Variants in EDN1 observed in about 807,000 individuals in gnomAD.
EDN1 encodes endothelin 1.
A neutral mutation model predicts 21.7 loss-of-function variants in EDN1; 11 were observed. The observed-to-expected ratio is 0.51, with a 90% CI of 0.32 to 0.84. The LOEUF is 0.84. Ranked by LOEUF, EDN1 falls within the 40% of genes least tolerant of loss-of-function variation. EDN1 has a pLI of 0.03. For synonymous variants in EDN1, 85 were observed against 90.6 expected (o/e 0.94, Z 0.35); for missense variants, 244 against 262.3 (o/e 0.93, Z 0.48).
chr6:12,258,589 C>A, the EDN1 span, among the ~76,000 whole-genome samples: 1 of 151,848 alleles, frequency 6.6e-6, no homozygotes, highest in African/African-American at 2.4e-5. Context: ...AGGTGAAAAT[C>A]CAAAGCGTGA....
intron 1 of EDN1, among the ~76,000 whole-genome samples, chr6:12,291,476 T>G (rs1015156713): frequency 2.0e-5 from 3 of 152,210 alleles, no homozygotes; most frequent in Non-Finnish European, 4.4e-5. Context: ...TTTTTGTCTT[T>G]TCGTGACCCT....
Position 12,296,542 on chromosome 6 carries a change from GA to G in EDN1, c.*485del, listed in dbSNP as rs970792658. The G allele has an allele frequency of 4.0e-4, 59 of 148,856 alleles. No individual in the cohort carries two copies. The highest frequency in any genetic ancestry group is 7.3e-4 in the African/African-American group (29 of 39,512). 9.2% of individuals were successfully genotyped at this position (148,856 alleles called of 1,614,324 possible). A position where few individuals can be genotyped will look rare whatever the true frequency, so the allele number is the denominator to read the frequency against. Reference sequence around the variant, plus strand: ...CTCAAAAGACAAACATGCAAGTAAAGAAAAAAAAAAGAAAGACTTTTGTTTA... The same window carrying G: ...CTCAAAAGACAAACATGCAAGTAAAGAAAAAAAAAGAAAGACTTTTGTTTA... On this transcript the variant is annotated 3_prime_UTR_variant, in exon 5 of 5. Transcript: ENST00000379375.
At chr6:12,232,714 A>G in the EDN1 span, among the ~76,000 whole-genome samples, 1 of 152,374 alleles carries the variant, frequency 6.6e-6, no homozygotes, top group South Asian at 2.1e-4. Flanking sequence ...CAAAGTATTA[A>G]TAGACTAAAG....
chr6:12,293,206 A>G lies in EDN1; in HGVS notation c.233+697A>G, dbSNP rs925471404. On this transcript the variant is annotated intron_variant, in intron 2 of 4. Coordinates refer to ENST00000379375, the MANE Select transcript of EDN1 (RefSeq NM_001955.5). ...ACAAGCACACATTTACTATGCATAC[A>G]ATGTACCGTTATGACAAAGGAGGAC... 3.3e-5 allele frequency among the ~76,000 whole-genome samples: 5 copies of G among 152,248 alleles called. No individual in the cohort carries two copies. In the East Asian group the frequency reaches 5.8e-4, roughly 18 times the overall value.
chr6:12,257,746 C>A, the EDN1 span, among the ~76,000 whole-genome samples: 1 of 152,094 alleles, frequency 6.6e-6, no homozygotes, highest in Admixed American at 6.5e-5. Context: ...TGAAGACAAA[C>A]TACACGGAGT....
At chr6:12,295,478 C>T (rs1386817632) in intron 4 of EDN1, among the ~76,000 whole-genome samples, 1 of 151,136 alleles carries the variant, frequency 6.6e-6, no homozygotes, top group African/African-American at 2.4e-5. Context: ...AAACATTAGG[C>T]CTGCAAAAAA....
the EDN1 span, among the ~76,000 whole-genome samples, chr6:12,247,433 G>T: frequency 6.6e-6 from 1 of 151,430 alleles, no homozygotes; most frequent in East Asian, 1.9e-4. Flanking sequence ...TTCTAGACCA[G>T]ATCAAACAAG....
the EDN1 span, among the ~76,000 whole-genome samples, chr6:12,233,467 A>G: frequency 6.6e-6 from 1 of 152,232 alleles, no homozygotes; most frequent in Middle Eastern, 3.2e-3. Context: ...ATGTCCAGGT[A>G]GCGACTGCAC....
At chr6:12,277,667 T>A in the EDN1 span, among the ~76,000 whole-genome samples, 1 of 151,794 alleles carries the variant, frequency 6.6e-6, no homozygotes, top group Non-Finnish European at 1.5e-5. Flanking sequence ...AGAGGAAGAG[T>A]CGTATATTAC....
chr6:12,267,793 C>G, the EDN1 span, among the ~76,000 whole-genome samples: 1 of 152,196 alleles, frequency 6.6e-6, no homozygotes, highest in African/African-American at 2.4e-5. Context: ...GACTTTCATA[C>G]TAGAGAGAAG....
upstream of EDN1, among the ~76,000 whole-genome samples, chr6:12,287,761 C>T (rs539559762): frequency 6.6e-6 from 1 of 150,788 alleles, no homozygotes; most frequent in African/African-American, 2.5e-5. Context: ...CACAGGCGCG[C>T]GCGCGCGCGC....
At chr6:12,289,662 A>T (rs1762625283), upstream of EDN1, among the ~76,000 whole-genome samples, 1 of 152,222 alleles carries the variant, frequency 6.6e-6, no homozygotes, top group African/African-American at 2.4e-5. Context: ...AAAAGAACTT[A>T]TCGGGGCTTC....
At chr6:12,275,901 G>A in the EDN1 span, among the ~76,000 whole-genome samples, 13 of 151,908 alleles carry the variant, frequency 8.6e-5, no homozygotes, top group Non-Finnish European at 1.3e-4. Context: ...GGTGGCTCAC[G>A]CCTGTAATCC....
the EDN1 span, among the ~76,000 whole-genome samples, chr6:12,263,911 G>A: frequency 2.0e-5 from 3 of 152,124 alleles, no homozygotes; most frequent in Admixed American, 6.6e-5. Flanking sequence ...TAAAGATCAC[G>A]AAGGTCTAGC....
the EDN1 span, among the ~76,000 whole-genome samples, chr6:12,235,579 T>G: frequency 1.3e-5 from 2 of 152,186 alleles, no homozygotes; most frequent in Admixed American, 1.3e-4. Context: ...TCAAAGCCTC[T>G]CCCATTCTAG....
chr6:12,274,507 A>G, the EDN1 span, among the ~76,000 whole-genome samples: 1 of 152,322 alleles, frequency 6.6e-6, no homozygotes, highest in South Asian at 2.1e-4. Flanking sequence ...TCTCAGCTCA[A>G]ATTTTTAGAT....
rs56214323 is a variant in EDN1 at position 12,291,217 on chromosome 6, T to TC, written c.64+536dup. 9.3e-3 allele frequency among the ~76,000 whole-genome samples: 854 copies of TC among 91,964 alleles called. 22 individuals are homozygous for TC. The highest frequency in any genetic ancestry group is 0.017 in the Middle Eastern group (3 of 180). 60.3% of individuals were successfully genotyped at this position (91,964 alleles called of 152,430 possible). On this transcript the variant is annotated intron_variant, in intron 1 of 4. Transcript: ENST00000379375. ...AAAAGTCTGTTGACTAACTACCGCC[T>TC]CCCCCCCCCCCCGCCACCACCCCCC... is the stretch of plus-strand genomic sequence containing the variant.
chr6:12,278,118 A>T, the EDN1 span, among the ~76,000 whole-genome samples: 1 of 152,242 alleles, frequency 6.6e-6, no homozygotes, highest in Admixed American at 6.5e-5. Flanking sequence ...GCTTTGAATT[A>T]TAGCTCTTCT....
chr6:12,255,152 A>T, the EDN1 span, among the ~76,000 whole-genome samples: 1 of 152,206 alleles, frequency 6.6e-6, no homozygotes, highest in Non-Finnish European at 1.5e-5. Context: ...AATAAATAAC[A>T]AACACAAAAC....
Sources: allele counts gnomAD v4.1 joint callset (sites outside exome capture counted in the v4.1 genomes callset), GRCh38; gene constraint gnomAD v4.1.1; transcripts MANE v1.5; gene names NCBI Gene and HGNC (gene_info 2026-07-23, HGNC 2026-07-21).